PLCE1: variants seen among roughly 807,000 people sequenced by gnomAD.
PLCE1 encodes the protein phospholipase C epsilon 1.
Under a neutral mutation model 242.8 loss-of-function variants are expected in PLCE1, and 119 were observed. The ratio of observed to expected loss-of-function variants is 0.49; its 90% CI spans 0.42 to 0.57. PLCE1 has a LOEUF of 0.57. Among genes scored for constraint, PLCE1 ranks in the 20% least tolerant of loss-of-function variants. The pLI is 0.00. For synonymous variants in PLCE1, 945 were observed against 1,017.4 expected (o/e 0.93, Z 1.35); for missense variants, 2,441 against 2,788.8 (o/e 0.88, Z 2.81).
At chr10:94,233,777 G>A (rs554035627) in intron 5 of PLCE1, among the ~76,000 whole-genome samples, 24 of 151,972 alleles carry the variant, frequency 1.6e-4, no homozygotes, top group Non-Finnish European at 2.9e-4. Flanking sequence ...GCGAAACCCC[G>A]TCTCTACTAA....
chr10:94,191,544 G>A (rs2048667318), intron 4 of PLCE1, among the ~76,000 whole-genome samples: 1 of 152,128 alleles, frequency 6.6e-6, no homozygotes, highest in African/African-American at 2.4e-5. Flanking sequence ...GGGAGCCTGA[G>A]GTGGGAGGAT....
At chr10:94,024,973 A>G (rs113727271) in intron 1 of PLCE1, among the ~76,000 whole-genome samples, 5,487 of 152,248 alleles carry the variant, frequency 0.036, 242 homozygotes, top group African/African-American at 0.097. Flanking sequence ...TGAGTGACAG[A>G]AAACCCAAGA....
At position 94,031,335 on chromosome 10, in the gene PLCE1, G is replaced by C. The variant is rs1564634630; in HGVS notation, c.289G>C (p.Asp97His). The C allele has an allele frequency of 1.2e-6, 2 of 1,613,784 alleles. No individual in the cohort carries two copies. The highest frequency in any genetic ancestry group is 2.2e-5 in the East Asian group (1 of 44,870). ...NEKCWEKIMP[D>H]SAKNLNINCN... ...AAAATGTTGGGAGAAAATCATGCCA[G>C]ATTCTGCGAAAAACCTTAACATTAA... The change falls in exon 2 of 33, where the codon GAT becomes CAT. Residue 97 changes from aspartate to histidine, a missense_variant. Asp to His is a moderately conservative substitution (Grantham distance 81). Transcript: ENST00000371380.
intron 2 of PLCE1, among the ~76,000 whole-genome samples, chr10:94,093,934 CTTTTTTTTTTTTTT>C (rs398046178): frequency 1.3e-5 from 1 of 79,192 alleles, no homozygotes; most frequent in South Asian, 5.3e-4. Flanking sequence ...ATCGGTATTT[CTTTTTTTTTTTTTT>C]TTTTTTTTTT....
At chr10:94,130,467 A>G (rs972618265) in intron 2 of PLCE1, among the ~76,000 whole-genome samples, 2 of 152,186 alleles carry the variant, frequency 1.3e-5, no homozygotes, top group African/African-American at 4.8e-5. Flanking sequence ...AATCTCCCTA[A>G]GAATAGTGTT....
intron 2 of PLCE1, among the ~76,000 whole-genome samples, chr10:94,103,624 A>C (rs2045620206): frequency 6.6e-6 from 1 of 152,192 alleles, no homozygotes; most frequent in African/African-American, 2.4e-5. Flanking sequence ...TGTTCTGCAC[A>C]TGTACCCCAG....
chr10:94,236,220 C>A (rs1589396189), intron 7 of PLCE1, 100 bp downstream of exon 7: 1 of 876,984 alleles, frequency 1.1e-6, no homozygotes. Context: ...GACACCTCAT[C>A]AAAACCTGCC....
chr10:94,183,710 A>G (rs995767596), intron 4 of PLCE1, among the ~76,000 whole-genome samples: 1 of 152,198 alleles, frequency 6.6e-6, no homozygotes, highest in Non-Finnish European at 1.5e-5. Flanking sequence ...CAGGCTTTAC[A>G]GGAAATGTGG....
chr10:94,147,218 G>A (rs1267403350), intron 3 of PLCE1, among the ~76,000 whole-genome samples: 1 of 152,108 alleles, frequency 6.6e-6, no homozygotes, highest in East Asian at 1.9e-4. Flanking sequence ...GGTCAGGAGT[G>A]CGAGACTAGC....
At chr10:94,314,634 A>T (rs2053506071) in intron 28 of PLCE1, among the ~76,000 whole-genome samples, 1 of 152,182 alleles carries the variant, frequency 6.6e-6, no homozygotes, top group Non-Finnish European at 1.5e-5. Flanking sequence ...ATAGGAGTAG[A>T]CTAAAGGAAG....
intron 8 of PLCE1, among the ~76,000 whole-genome samples, chr10:94,247,399 A>C (rs1418086944): frequency 6.6e-6 from 1 of 151,978 alleles, no homozygotes; most frequent in Non-Finnish European, 1.5e-5. Flanking sequence ...CTGCAAAGAA[A>C]CCAGTTAATA....
At chr10:94,027,711 C>G (rs1463113512) in intron 1 of PLCE1, among the ~76,000 whole-genome samples, 1 of 152,192 alleles carries the variant, frequency 6.6e-6, no homozygotes, top group Non-Finnish European at 1.5e-5. Context: ...GTCCCAGCTA[C>G]TCAGGAGGCT....
chr10:94,132,551 G>A, intron 3 of PLCE1, 92 bp downstream of exon 3: 1 of 1,301,248 alleles, frequency 7.7e-7, no homozygotes, highest in Non-Finnish European at 1.1e-6. Context: ...GGAAAATTAA[G>A]TTCACTTTTC....
At chr10:94,281,385 G>A (rs2052213181) in intron 20 of PLCE1, among the ~76,000 whole-genome samples, 1 of 151,366 alleles carries the variant, frequency 6.6e-6, no homozygotes, top group Non-Finnish European at 1.5e-5. Context: ...TTCACATAAA[G>A]AAATAACAAA....
intron 2 of PLCE1, among the ~76,000 whole-genome samples, chr10:94,084,012 A>G (rs991539486): frequency 2.0e-5 from 3 of 152,188 alleles, no homozygotes; most frequent in African/African-American, 7.2e-5. Context: ...AAAGGAGGCT[A>G]TCACATAGGG....
At chr10:94,122,035 G>A (rs2046316775) in intron 2 of PLCE1, among the ~76,000 whole-genome samples, 3 of 152,200 alleles carry the variant, frequency 2.0e-5, no homozygotes, top group Admixed American at 2.0e-4. Context: ...TGGTCTTATA[G>A]GTTGGCATTG....
At chr10:94,251,884 A>G (rs1388728789) in intron 8 of PLCE1, among the ~76,000 whole-genome samples, 3 of 152,210 alleles carry the variant, frequency 2.0e-5, no homozygotes, top group African/African-American at 7.2e-5. Flanking sequence ...CAAGCATCAA[A>G]CTAGTTGAAA....
Position 94,068,437 on chromosome 10 carries a change from T to C in PLCE1, c.1206+36185T>C, listed in dbSNP as rs139310392. ...TACAAATAAAACAATGCAACATAAC[T>C]ATTTACATAAAATTTGCATTGTATT... On this transcript the variant is annotated intron_variant, in intron 2 of 32. Coordinates refer to ENST00000371380, the MANE Select transcript of PLCE1 (RefSeq NM_016341.4). Among the ~76,000 whole-genome samples the C allele has an allele frequency of 1.1e-3, 160 of 152,298 alleles. 3 individuals are homozygous for C. The highest frequency in any genetic ancestry group is 3.3e-3 in the African/African-American group (136 of 41,548).
intron 2 of PLCE1, among the ~76,000 whole-genome samples, chr10:94,129,750 C>T (rs1484296927): frequency 6.9e-6 from 1 of 144,758 alleles, no homozygotes; most frequent in Non-Finnish European, 1.6e-5. Flanking sequence ...AACAAACCAG[C>T]GAAAACAAAA....
Sources: gnomAD v4.1 joint callset for allele counts (sites outside exome capture counted in the v4.1 genomes callset) on GRCh38, gnomAD v4.1.1 for gene constraint, MANE v1.5 for transcripts, NCBI Gene and HGNC (gene_info 2026-07-23, HGNC 2026-07-21) for gene names.